Variants in NRG1 observed in about 807,000 individuals in gnomAD.
NRG1 encodes neuregulin 1, also known as pro-neuregulin-1, membrane-bound isoform.
A neutral mutation model predicts 63.8 loss-of-function variants in NRG1; 18 were observed. The ratio of observed to expected loss-of-function variants is 0.28; its 90% confidence interval spans 0.19 to 0.42. NRG1 has a LOEUF of 0.42. NRG1 is among the 10% of genes least tolerant of loss of function. The pLI is 1.00. For missense variants in NRG1, 762 were observed against 814.7 expected (o/e 0.94, Z 0.79); for synonymous variants, 302 against 301.3 (o/e 1.00, Z -0.02).
intron 1 of NRG1, among the ~76,000 whole-genome samples, chr8:32,497,739 T>C (rs1827382671): frequency 6.6e-6 from 1 of 152,228 alleles, no homozygotes; most frequent in African/African-American, 2.4e-5. Flanking sequence ...ACTTTTGCTC[T>C]TCCTCTAGGT....
intron 1 of NRG1, among the ~76,000 whole-genome samples, chr8:32,461,560 T>C (rs1822312355): frequency 6.6e-6 from 1 of 151,998 alleles, no homozygotes; most frequent in African/African-American, 2.4e-5. Context: ...TAGCTGGGTG[T>C]GGTGGCGGGC....
Position 32,702,370 on chromosome 8 carries a change from A to G in NRG1, c.503-25579A>G, listed in dbSNP as rs1033437851. On this transcript the variant is annotated intron_variant, in intron 5 of 11. Transcript: ENST00000356819. The stretch of plus-strand genomic sequence containing the variant: ...TAGGCATACGTAAAATCACACTTGT[A>G]TGAAAATCAAGTAAATCTGCTGAAA... Among the ~76,000 whole-genome samples the G allele has an allele frequency of 2.6e-5, 4 of 152,252 alleles. No homozygotes were observed. The South Asian group carries it at 8.3e-4, about 31-fold the overall frequency.
Position 31,894,079 on chromosome 8 carries a change from A to G in NRG1, c.37+254648A>G, listed in dbSNP as rs963863989. Among the ~76,000 whole-genome samples the G allele has an allele frequency of 9.9e-5, 15 of 152,220 alleles. 1 individual carries two copies. The highest frequency in any genetic ancestry group is 3.4e-4 in the African/African-American group (14 of 41,568). On this transcript the variant is annotated intron_variant, in intron 1 of 10. Coordinates refer to the NRG1 transcript ENST00000519301. ...AAATTCAGACAATATTTAAAATTTT[A>G]ATAGTCTGACAGATTCTGATATAGA...
At chr8:31,805,410 C>T (rs1220662380) in intron 1 of NRG1, among the ~76,000 whole-genome samples, 1 of 151,944 alleles carries the variant, frequency 6.6e-6, no homozygotes. Flanking sequence ...AATTTTACCT[C>T]TCATGAAAAT....
At chr8:31,826,938 C>T in intron 1 of NRG1, among the ~76,000 whole-genome samples, 1 of 152,000 alleles carries the variant, frequency 6.6e-6, no homozygotes, top group Non-Finnish European at 1.5e-5. Context: ...AATTGATATA[C>T]CTCCTTCATA....
At chr8:31,975,431 C>A (rs1387159461) in intron 1 of NRG1, among the ~76,000 whole-genome samples, 1 of 152,126 alleles carries the variant, frequency 6.6e-6, no homozygotes, top group African/African-American at 2.4e-5. Flanking sequence ...GCCAGATTTT[C>A]TGAAGCAGAA....
intron 1 of NRG1, among the ~76,000 whole-genome samples, chr8:32,400,882 G>A (rs568510467): frequency 3.3e-5 from 5 of 152,270 alleles, no homozygotes; most frequent in Middle Eastern, 3.4e-3. Flanking sequence ...CAAAGATATG[G>A]AATCAGCCTA....
At chr8:32,157,530 A>C (rs1838250213) in intron 1 of NRG1, among the ~76,000 whole-genome samples, 1 of 150,006 alleles carries the variant, frequency 6.7e-6, no homozygotes, top group Admixed American at 6.6e-5. Flanking sequence ...GTGGTGGTAC[A>C]TGCCTGTAAT....
chr8:31,662,551 G>T (rs906787800), intron 1 of NRG1, among the ~76,000 whole-genome samples: 2 of 152,146 alleles, frequency 1.3e-5, no homozygotes, highest in East Asian at 1.9e-4. Context: ...GCTCTCATTT[G>T]GTCTGCAAAT....
upstream of NRG1, among the ~76,000 whole-genome samples, chr8:32,547,174 G>A (rs938043308): frequency 6.6e-6 from 1 of 152,172 alleles, no homozygotes; most frequent in Non-Finnish European, 1.5e-5. Flanking sequence ...GGATCCTTCC[G>A]TGGTGCCCGT....
At chr8:31,750,666 C>A (rs1816367176) in intron 1 of NRG1, among the ~76,000 whole-genome samples, 1 of 151,826 alleles carries the variant, frequency 6.6e-6, no homozygotes, top group Non-Finnish European at 1.5e-5. Context: ...CTATATAAAT[C>A]ACATCTCATT....
chr8:32,561,589 C>G (rs1338967749), intron 1 of NRG1, among the ~76,000 whole-genome samples: 2 of 152,162 alleles, frequency 1.3e-5, no homozygotes, highest in Non-Finnish European at 2.9e-5. Context: ...TCTTTGTGGG[C>G]TCTCTGTAAA....
At chr8:31,704,511 T>C (rs940348273) in intron 1 of NRG1, among the ~76,000 whole-genome samples, 1 of 152,162 alleles carries the variant, frequency 6.6e-6, no homozygotes, top group African/African-American at 2.4e-5. Flanking sequence ...CTAAGACTCA[T>C]GACATTTTTT....
chr8:31,905,634 G>T (rs777754005), intron 1 of NRG1, among the ~76,000 whole-genome samples: 18 of 152,086 alleles, frequency 1.2e-4, no homozygotes, highest in Non-Finnish European at 2.1e-4. Flanking sequence ...GAAAAAACTG[G>T]TTTATTTGTT....
At chr8:32,033,804 C>T (rs1818632705) in intron 1 of NRG1, among the ~76,000 whole-genome samples, 1 of 152,212 alleles carries the variant, frequency 6.6e-6, no homozygotes, top group Middle Eastern at 3.4e-3. Context: ...ATTTTGTGTC[C>T]TGAGACTTTG....
chr8:32,220,268 TTAGAGGCTCTTGCTCAGGAG>T (rs1845672552), intron 1 of NRG1, among the ~76,000 whole-genome samples: 2 of 152,352 alleles, frequency 1.3e-5, no homozygotes, highest in South Asian at 4.1e-4. Context: ...CTTGGCTTGC[TTAGAGGCTCTTGCTCAGGAG>T]TCTTTAAATG....
At chr8:32,619,541 A>G (rs911089737) in intron 5 of NRG1, among the ~76,000 whole-genome samples, 1 of 152,164 alleles carries the variant, frequency 6.6e-6, no homozygotes, top group African/African-American at 2.4e-5. Context: ...GCTTTTGCTG[A>G]GAGCATAGTG....
intron 1 of NRG1, among the ~76,000 whole-genome samples, chr8:31,736,464 A>C (rs1814675578): frequency 6.6e-6 from 1 of 152,130 alleles, no homozygotes; most frequent in South Asian, 2.1e-4. Context: ...AGTGACGGAC[A>C]CATGATAGCT....
At chr8:32,313,738 T>G (rs1857070825) in intron 1 of NRG1, among the ~76,000 whole-genome samples, 1 of 152,208 alleles carries the variant, frequency 6.6e-6, no homozygotes, top group Non-Finnish European at 1.5e-5. Context: ...TGGTAAATTA[T>G]TTTTAAAACA....
Sources: gnomAD v4.1 joint callset for allele counts (sites outside exome capture counted in the v4.1 genomes callset) on GRCh38, gnomAD v4.1.1 for gene constraint, MANE v1.5 for transcripts, NCBI Gene and HGNC (gene_info 2026-07-23, HGNC 2026-07-21) for gene names.